LRRTM4: variants seen among roughly 807,000 people sequenced by gnomAD.
LRRTM4 encodes leucine-rich repeat transmembrane neuronal protein 4.
Under a neutral mutation model 47.6 loss-of-function variants are expected in LRRTM4, and 25 were observed. The observed-to-expected ratio is 0.53, with a 90% CI of 0.38 to 0.73. The LOEUF is 0.73. Among genes scored for constraint, LRRTM4 ranks in the 30% least tolerant of loss-of-function variants. The pLI is 0.00. For missense variants in LRRTM4, 638 were observed against 713.4 expected (o/e 0.89, Z 1.20); for synonymous variants, 311 against 269.5 (o/e 1.15, Z -1.51).
intron 3 of LRRTM4, among the ~76,000 whole-genome samples, chr2:76,876,126 G>A (rs1047841928): frequency 5.3e-5 from 8 of 152,014 alleles, no homozygotes; most frequent in African/African-American, 1.7e-4. Flanking sequence ...ACACAGTAAA[G>A]AACATAGTAT....
intron 3 of LRRTM4, among the ~76,000 whole-genome samples, chr2:77,073,891 T>C (rs2103835607): frequency 6.6e-6 from 1 of 152,220 alleles, no homozygotes; most frequent in Non-Finnish European, 1.5e-5. Context: ...ATTTTTATGC[T>C]AGTCATTCTT....
chr2:77,019,250 C>T (rs1678180174), intron 3 of LRRTM4, among the ~76,000 whole-genome samples: 2 of 61,018 alleles, frequency 3.3e-5, no homozygotes, highest in African/African-American at 2.7e-4. Flanking sequence ...TGTCACTGCT[C>T]TACAAAAAAA....
At chr2:77,156,620 A>T (rs955522715) in intron 3 of LRRTM4, among the ~76,000 whole-genome samples, 3 of 152,184 alleles carry the variant, frequency 2.0e-5, no homozygotes, top group African/African-American at 7.2e-5. Context: ...TACATGTGCA[A>T]TATCAGTGCC....
At chr2:76,995,967 A>G (rs1677187188) in intron 3 of LRRTM4, among the ~76,000 whole-genome samples, 1 of 152,128 alleles carries the variant, frequency 6.6e-6, no homozygotes, top group Non-Finnish European at 1.5e-5. Flanking sequence ...TTAACTTACG[A>G]AGGTATGCAG....
At chr2:76,771,855 A>T (rs1673726417) in intron 3 of LRRTM4, among the ~76,000 whole-genome samples, 2 of 151,992 alleles carry the variant, frequency 1.3e-5, no homozygotes, top group Non-Finnish European at 2.9e-5. Context: ...CTCTAACTCT[A>T]TGTGACGATG....
intron 3 of LRRTM4, among the ~76,000 whole-genome samples, chr2:77,373,411 A>G (rs1418799096): frequency 6.6e-6 from 1 of 151,692 alleles, no homozygotes; most frequent in African/African-American, 2.4e-5. Flanking sequence ...CCAGACTCAG[A>G]AATCCAAAGC....
intron 3 of LRRTM4, among the ~76,000 whole-genome samples, chr2:77,092,827 C>T (rs1427260803): frequency 7.0e-6 from 1 of 142,132 alleles, no homozygotes; most frequent in Non-Finnish European, 1.5e-5. Context: ...TTTTCAGGCT[C>T]TTAGTATTCA....
chr2:77,403,259 AC>A (rs756132507), intron 3 of LRRTM4, among the ~76,000 whole-genome samples: 4 of 151,756 alleles, frequency 2.6e-5, no homozygotes, highest in Non-Finnish European at 4.4e-5. Context: ...CATCACCCGC[AC>A]CCCCAGAAAA....
chr2:77,330,467 C>G (rs941150124), intron 3 of LRRTM4, among the ~76,000 whole-genome samples: 1 of 151,954 alleles, frequency 6.6e-6, no homozygotes, highest in African/African-American at 2.4e-5. Context: ...AGAAGAGATC[C>G]TTCAATGAGT....
intron 3 of LRRTM4, among the ~76,000 whole-genome samples, chr2:77,227,266 C>T (rs1365797927): frequency 6.6e-6 from 1 of 152,066 alleles, no homozygotes; most frequent in African/African-American, 2.4e-5. Context: ...ATTGCCATAG[C>T]TCACACTCAA....
chr2:77,238,936 G>C lies in LRRTM4; in HGVS notation c.1551+279382C>G, dbSNP rs72913977. Among the ~76,000 whole-genome samples the C allele has an allele frequency of 5.3e-3, 810 of 151,992 alleles. 7 individuals are homozygous for C. Among genetic ancestry groups the C allele is most frequent in the African/African-American group, 0.018 (766 of 41,498 alleles). ...CATTATCAGCACTTATATCTGCACT[G>C]TAAGAAATGCTAAAGGACATTCTTA... is the stretch of plus-strand genomic sequence containing the variant. On this transcript the variant is annotated intron_variant, in intron 3 of 3. Coordinates refer to ENST00000409884, the MANE Select transcript of LRRTM4 (RefSeq NM_001134745.3).
intron 3 of LRRTM4, among the ~76,000 whole-genome samples, chr2:77,299,047 G>A (rs1239303810): frequency 6.6e-6 from 1 of 151,898 alleles, no homozygotes; most frequent in South Asian, 2.1e-4. Context: ...TTTACATAAC[G>A]TATAAAAATG....
chr2:77,295,465 T>A (rs1410709578), intron 3 of LRRTM4, among the ~76,000 whole-genome samples: 1 of 152,152 alleles, frequency 6.6e-6, no homozygotes, highest in Non-Finnish European at 1.5e-5. Context: ...CCACGCAAAT[T>A]CCTCTCCCAA....
intron 3 of LRRTM4, among the ~76,000 whole-genome samples, chr2:76,939,261 C>T (rs966506188): frequency 1.3e-5 from 2 of 152,120 alleles, no homozygotes; most frequent in African/African-American, 4.8e-5. Context: ...GCTCAGATAA[C>T]ATTTCAGTGC....
At chr2:77,464,760 C>T (rs540895816) in intron 3 of LRRTM4, among the ~76,000 whole-genome samples, 1 of 152,166 alleles carries the variant, frequency 6.6e-6, no homozygotes, top group South Asian at 2.1e-4. Flanking sequence ...AGCCAATGAA[C>T]CCTCTGCATC....
chr2:77,319,960 T>C (rs1358351404), intron 3 of LRRTM4, among the ~76,000 whole-genome samples: 2 of 152,228 alleles, frequency 1.3e-5, no homozygotes, highest in Non-Finnish European at 2.9e-5. Context: ...GAAGTTAAAC[T>C]ACTTTTTTAT....
intron 3 of LRRTM4, among the ~76,000 whole-genome samples, chr2:77,019,520 G>A (rs1254868042): frequency 6.6e-6 from 1 of 152,022 alleles, no homozygotes; most frequent in Non-Finnish European, 1.5e-5. Flanking sequence ...CTCATGGAAG[G>A]AGCTGCTGTG....
intron 3 of LRRTM4, among the ~76,000 whole-genome samples, chr2:77,450,440 A>G (rs1010508705): frequency 6.6e-6 from 1 of 152,200 alleles, no homozygotes; most frequent in Admixed American, 6.5e-5. Flanking sequence ...ACTTAAACCT[A>G]AATTTCAATC....
At chr2:77,357,536 G>A (rs1672013081) in intron 3 of LRRTM4, among the ~76,000 whole-genome samples, 1 of 152,016 alleles carries the variant, frequency 6.6e-6, no homozygotes, top group Non-Finnish European at 1.5e-5. Context: ...TCTTCCCATG[G>A]GTTATGCATA....
Sources: gnomAD v4.1 joint callset for allele counts (sites outside exome capture counted in the v4.1 genomes callset) on GRCh38, gnomAD v4.1.1 for gene constraint, MANE v1.5 for transcripts, NCBI Gene and HGNC (gene_info 2026-07-23, HGNC 2026-07-21) for gene names.